The following MAP3K5 variants were observed in gnomAD, a reference collection of about 807,000 sequenced individuals.
MAP3K5 encodes the protein mitogen-activated protein kinase kinase kinase 5.
Under a neutral mutation model 158.7 loss-of-function variants are expected in MAP3K5, and 56 were observed. That is an observed-to-expected ratio of 0.35 (90% CI 0.28 to 0.44). The LOEUF (loss-of-function observed/expected upper bound fraction) is 0.44, where lower values mean the gene tolerates loss of function less well. Among genes scored for constraint, MAP3K5 ranks in the 20% least tolerant of loss-of-function variants. The pLI is 1.00. For missense variants in MAP3K5, 1,294 were observed against 1,674.8 expected, an observed-to-expected ratio of 0.77 and a Z score of 3.97; for synonymous variants, 579 against 601.7, an observed-to-expected ratio of 0.96 and a Z score of 0.55.
chr6:136,669,657 C>T (rs564740224), intron 7 of MAP3K5, among the ~76,000 whole-genome samples: 14 of 152,264 alleles, frequency 9.2e-5, no homozygotes, highest in Non-Finnish European at 4.4e-5. Flanking sequence ...CTTCAACCAT[C>T]TACCAGAAAT....
chr6:136,704,972 T>A, intron 3 of MAP3K5, 138 bp downstream of exon 3: 1 of 518,174 alleles, frequency 1.9e-6, no homozygotes, highest in Non-Finnish European at 3.4e-6. Context: ...ACCATATTTA[T>A]ATTGATACAT....
intron 7 of MAP3K5, among the ~76,000 whole-genome samples, chr6:136,681,775 C>T (rs1359115627): frequency 2.6e-5 from 4 of 151,938 alleles, no homozygotes; most frequent in Non-Finnish European, 4.4e-5. Context: ...AAAAATTAGC[C>T]GGGTGTGGTG....
At chr6:136,684,150 G>T (rs1780047413) in intron 7 of MAP3K5, among the ~76,000 whole-genome samples, 1 of 151,974 alleles carries the variant, frequency 6.6e-6, no homozygotes. Flanking sequence ...AGGATCACTT[G>T]AGCCCAGGAG....
At chr6:136,774,979 G>C (rs982620162) in intron 1 of MAP3K5, among the ~76,000 whole-genome samples, 28 of 152,054 alleles carry the variant, frequency 1.8e-4, no homozygotes, top group African/African-American at 6.5e-4. Context: ...AAGACCTATG[G>C]AGCAACAGCT....
chr6:136,737,037 G>GTA (rs56011325), intron 1 of MAP3K5, among the ~76,000 whole-genome samples: 2,131 of 126,930 alleles, frequency 0.017, 68 homozygotes, highest in East Asian at 0.098. Flanking sequence ...ATATGTGTGT[G>GTA]TATATATATA....
At chr6:136,752,801 A>G (rs1032444029) in intron 1 of MAP3K5, among the ~76,000 whole-genome samples, 3 of 152,208 alleles carry the variant, frequency 2.0e-5, no homozygotes, top group African/African-American at 4.8e-5. Flanking sequence ...CAGAGCTGTG[A>G]AAGGGCAGAA....
intron 1 of MAP3K5, among the ~76,000 whole-genome samples, chr6:136,725,753 GA>G (rs1367301099): frequency 6.6e-6 from 1 of 152,014 alleles, no homozygotes; most frequent in African/African-American, 2.4e-5. Flanking sequence ...GTGTGGTATT[GA>G]AAAAAATCTT....
At chr6:136,642,015 T>TAAATA (rs377615415) in intron 12 of MAP3K5, among the ~76,000 whole-genome samples, 33,418 of 109,308 alleles carry the variant, frequency 0.31, 6,344 homozygotes, top group Middle Eastern at 0.4. Context: ...TAAAATAAAA[T>TAAATA]AAATAAAATA....
rs1406039161 is a variant in MAP3K5 at position 136,697,235 on chromosome 6, G to T, written c.959C>A (p.Ser320Tyr). 1.2e-6 allele frequency: 2 copies of T among 1,612,786 alleles called. No individual in the cohort carries two copies. The highest frequency in any genetic ancestry group is 1.7e-6 in the Non-Finnish European group (2 of 1,179,300). ...TADIVINLLL[S>Y]YRDIQDYDSI... ...TCTTCTCACCTGGATATCTCTGTAG[G>T]AAAGTAACAGATTTATGACAATATC... Residue 320 changes from serine (S) to tyrosine (Y), a missense_variant, in exon 5 of 30, where the codon TCC (serine) becomes TAC (tyrosine). Ser to Tyr is a moderately radical substitution (Grantham distance 144). Coordinates refer to ENST00000359015, the MANE Select transcript of MAP3K5 (RefSeq NM_005923.4).
chr6:136,740,616 A>G (rs574840026), intron 1 of MAP3K5, among the ~76,000 whole-genome samples: 5 of 151,476 alleles, frequency 3.3e-5, no homozygotes, highest in Non-Finnish European at 7.4e-5. Context: ...CTGAGACAAT[A>G]AAAAAAAAGA....
intron 1 of MAP3K5, among the ~76,000 whole-genome samples, chr6:136,760,522 T>G (rs1783701234): frequency 6.6e-6 from 1 of 152,230 alleles, no homozygotes; most frequent in African/African-American, 2.4e-5. Context: ...AATTTATTGA[T>G]TCAATAAATA....
chr6:136,678,145 T>C (rs997755386), intron 7 of MAP3K5, among the ~76,000 whole-genome samples: 2 of 152,210 alleles, frequency 1.3e-5, no homozygotes, highest in Admixed American at 6.5e-5. Context: ...CATTATTTTC[T>C]GGGTTTTTTT....
At chr6:136,768,731 T>C (rs534138863) in intron 1 of MAP3K5, among the ~76,000 whole-genome samples, 2 of 151,724 alleles carry the variant, frequency 1.3e-5, no homozygotes, top group Non-Finnish European at 2.9e-5. Flanking sequence ...TTAGACAACT[T>C]GCTGAAACCC....
Position 136,696,077 on chromosome 6 carries a change from T to C in MAP3K5, c.976-20A>G, listed in dbSNP as rs1317785523. Reference sequence around the variant, plus strand: ...ATAGTCCTTTCAAATTAGATGAGAATAGCACAGAATTAAACCATTAGGAGA... The same window carrying C: ...ATAGTCCTTTCAAATTAGATGAGAACAGCACAGAATTAAACCATTAGGAGA... On this transcript the variant is annotated intron_variant, in intron 5 of 29. Coordinates refer to ENST00000359015, the MANE Select transcript of MAP3K5 (RefSeq NM_005923.4). The C allele has an allele frequency of 7.2e-7, 1 of 1,390,168 alleles. No homozygotes were observed. Among genetic ancestry groups the C allele is most frequent in the Non-Finnish European group, 1.0e-6 (1 of 982,822 alleles). 86.1% of individuals were successfully genotyped at this position (1,390,168 alleles called of 1,614,324 possible).
chr6:136,637,289 T>C, intron 14 of MAP3K5, 36 bp downstream of exon 14: 1 of 1,493,794 alleles, frequency 6.7e-7, no homozygotes, highest in Non-Finnish European at 9.3e-7. Context: ...TGTTTTAAAA[T>C]GAGCTCTAAA....
At chr6:136,766,723 T>C (rs1235027529) in intron 1 of MAP3K5, among the ~76,000 whole-genome samples, 1 of 152,198 alleles carries the variant, frequency 6.6e-6, no homozygotes, top group African/African-American at 2.4e-5. Flanking sequence ...TAAACTCCAT[T>C]TCTTCATCTT....
intron 1 of MAP3K5, among the ~76,000 whole-genome samples, chr6:136,725,094 A>T (rs2114799627): frequency 6.6e-6 from 1 of 152,336 alleles, no homozygotes; most frequent in South Asian, 2.1e-4. Flanking sequence ...ATTCATCCAT[A>T]GATGTCCATT....
chr6:136,749,465 C>T (rs370338477), intron 1 of MAP3K5, among the ~76,000 whole-genome samples: 12 of 151,954 alleles, frequency 7.9e-5, no homozygotes, highest in African/African-American at 2.2e-4. Context: ...CTCTGTTGGC[C>T]GGTTTTGCTG....
intron 8 of MAP3K5, among the ~76,000 whole-genome samples, chr6:136,663,960 C>G (rs1779120119): frequency 6.6e-6 from 1 of 151,906 alleles, no homozygotes; most frequent in African/African-American, 2.4e-5. Flanking sequence ...TTTTATGACC[C>G]TGACTTTTCG....
Sources: gnomAD v4.1 joint callset for allele counts (sites outside exome capture counted in the v4.1 genomes callset) on GRCh38, gnomAD v4.1.1 for gene constraint, MANE v1.5 for transcripts, NCBI Gene and HGNC (gene_info 2026-07-23, HGNC 2026-07-21) for gene names.